CSMD1: variants seen among roughly 807,000 people sequenced by gnomAD.
CSMD1 encodes the protein CUB and sushi domain-containing protein 1.
In CSMD1, 213 loss-of-function variants were observed where a neutral mutation model predicts 417.5. The ratio of observed to expected loss-of-function variants is 0.51; its 90% CI spans 0.46 to 0.57. The LOEUF is 0.57. Among genes scored for constraint, CSMD1 ranks in the 20% least tolerant of loss-of-function variants. CSMD1 has a pLI of 0.00. For synonymous variants in CSMD1, 2,862 were observed against 1,736.8 expected (o/e 1.65, Z -16.11); for missense variants, 6,923 against 4,529.7 (o/e 1.53, Z -15.17).
intron 41 of CSMD1, among the ~76,000 whole-genome samples, chr8:3,122,483 G>C (rs760935749): frequency 1.3e-5 from 2 of 152,172 alleles, no homozygotes; most frequent in East Asian, 1.9e-4. Context: ...GGAATTTGCA[G>C]TTGACGTGGT....
At chr8:4,022,111 G>C (rs993099942) in intron 4 of CSMD1, among the ~76,000 whole-genome samples, 1 of 114,878 alleles carries the variant, frequency 8.7e-6, no homozygotes, top group African/African-American at 3.6e-5. Flanking sequence ...ATATATGAAT[G>C]GATATAGAAT....
chr8:4,051,406 T>C (rs1479135910), intron 3 of CSMD1, among the ~76,000 whole-genome samples: 1 of 151,902 alleles, frequency 6.6e-6, no homozygotes, highest in Non-Finnish European at 1.5e-5. Context: ...AGTAGCATAA[T>C]GTAGTTAAAT....
At chr8:4,098,274 C>G (rs1801128318) in intron 3 of CSMD1, among the ~76,000 whole-genome samples, 1 of 152,062 alleles carries the variant, frequency 6.6e-6, no homozygotes, top group Non-Finnish European at 1.5e-5. Flanking sequence ...GTAATGGCAT[C>G]AGAACAAAAG....
intron 1 of CSMD1, among the ~76,000 whole-genome samples, chr8:4,741,527 A>C (rs1810604207): frequency 6.6e-6 from 1 of 152,332 alleles, no homozygotes. Context: ...AACAAAAATA[A>C]TTGCATGTTT....
intron 1 of CSMD1, among the ~76,000 whole-genome samples, chr8:4,977,461 T>G (rs1237662363): frequency 6.6e-6 from 1 of 152,128 alleles, no homozygotes; most frequent in Admixed American, 6.5e-5. Flanking sequence ...TCATGCACAT[T>G]GGGAAAGAAG....
chr8:4,176,198 C>A (rs1036799991), intron 3 of CSMD1, among the ~76,000 whole-genome samples: 5 of 152,080 alleles, frequency 3.3e-5, no homozygotes, highest in Middle Eastern at 3.4e-3. Context: ...CACATCCACC[C>A]TGTTGGATGT....
In CSMD1 at chr8:3,904,629, C is replaced by G. The variant is rs1398266587; in HGVS notation, c.818+93274G>C. On this transcript the variant is annotated intron_variant, in intron 5 of 69. Coordinates refer to ENST00000635120, the MANE Select transcript of CSMD1 (RefSeq NM_033225.6). ...TTCCTTTTTCTCTTTCTTTCTTTCT[C>G]GTTTTCTTTCTTTTTTTTTTTTTTT... Among the ~76,000 whole-genome samples, 5 of 144,906 alleles carry G rather than the reference C, an allele frequency of 3.5e-5. No homozygotes were observed. The East Asian group carries it at 1.0e-3, about 29-fold the overall frequency.
chr8:4,616,466 G>A (rs1005395036), intron 2 of CSMD1, among the ~76,000 whole-genome samples: 21 of 152,134 alleles, frequency 1.4e-4, no homozygotes, highest in African/African-American at 4.8e-4. Context: ...ACTATTTAAA[G>A]CTGGTTATAA....
intron 3 of CSMD1, among the ~76,000 whole-genome samples, chr8:4,128,659 G>A (rs1314185856): frequency 1.3e-5 from 2 of 152,020 alleles, no homozygotes; most frequent in Non-Finnish European, 2.9e-5. Flanking sequence ...ATGGAAATAT[G>A]TCTTCTTTCT....
In CSMD1 at chr8:3,193,510, C is replaced by T. The variant is rs139747148; in HGVS notation, c.5195-3395G>A. ...ACAGTGCTGTGTAACTTCATCCTCC[C>T]CGCCCGTCCTCTGGGTCTGGCCCTT... On this transcript the variant is annotated intron_variant, in intron 33 of 69. Transcript: ENST00000635120. Among the ~76,000 whole-genome samples the T allele has an allele frequency of 2.3e-3, 354 of 152,124 alleles. 4 individuals are homozygous for T. Among genetic ancestry groups the T allele is most frequent in the African/African-American group, 8.3e-3 (345 of 41,492 alleles).
chr8:3,491,732 G>T (rs1166843172), intron 11 of CSMD1, among the ~76,000 whole-genome samples: 1 of 152,196 alleles, frequency 6.6e-6, no homozygotes, highest in Non-Finnish European at 1.5e-5. Flanking sequence ...TAAATAAGGG[G>T]ATAAGGTGAG....
chr8:3,423,245 G>C (rs1001611823), intron 12 of CSMD1, among the ~76,000 whole-genome samples: 1 of 152,048 alleles, frequency 6.6e-6, no homozygotes, highest in African/African-American at 2.4e-5. Flanking sequence ...TTGACTAAAG[G>C]TTATAGTCAT....
intron 2 of CSMD1, among the ~76,000 whole-genome samples, chr8:4,435,674 C>T (rs952334242): frequency 3.3e-5 from 5 of 152,132 alleles, no homozygotes; most frequent in East Asian, 1.9e-4. Flanking sequence ...TGAGGTCACC[C>T]GAGTTGTTAC....
chr8:4,684,197 A>G (rs1273705486), intron 1 of CSMD1, among the ~76,000 whole-genome samples: 1 of 152,238 alleles, frequency 6.6e-6, no homozygotes, highest in Non-Finnish European at 1.5e-5. Context: ...ATTTATGAAT[A>G]AGGACACGAG....
intron 16 of CSMD1, among the ~76,000 whole-genome samples, chr8:3,397,047 A>G (rs270055): frequency 0.94 from 142,809 of 152,090 alleles, 67,071 homozygotes; most frequent in South Asian, 0.98. Flanking sequence ...CCGAGAATCT[A>G]GCCTGAGATT....
intron 2 of CSMD1, among the ~76,000 whole-genome samples, chr8:4,505,371 T>G (rs1802465322): frequency 6.6e-6 from 1 of 152,208 alleles, no homozygotes; most frequent in Non-Finnish European, 1.5e-5. Flanking sequence ...AACCTAATTC[T>G]GTAAATAAAT....
At chr8:3,292,801 T>C (rs796880997) in intron 25 of CSMD1, among the ~76,000 whole-genome samples, 7 of 152,294 alleles carry the variant, frequency 4.6e-5, no homozygotes, top group African/African-American at 1.7e-4. Flanking sequence ...CTCTGTCTTT[T>C]AATTGGAGCA....
chr8:3,749,217 C>G (rs962651476), intron 6 of CSMD1, among the ~76,000 whole-genome samples: 2 of 152,078 alleles, frequency 1.3e-5, no homozygotes, highest in African/African-American at 4.8e-5. Context: ...AAAGAATGGG[C>G]TCAATTTTCA....
In CSMD1 at chr8:3,214,507, G is replaced by C. The variant is rs1281531943; in HGVS notation, c.4857C>G (p.Pro1619=). 1 of 1,595,398 alleles carries C rather than the reference G, an allele frequency of 6.3e-7. No homozygotes were observed. Among genetic ancestry groups the C allele is most frequent in the South Asian group, 1.1e-5 (1 of 87,274 alleles). The change falls in exon 30 of 70, where the codon CCC becomes CCG. Residue 1619 remains proline (P), a synonymous_variant. Transcript: ENST00000635120. ...CAAGCGTGCACTCACCATTGCAGGA[G>C]GGCAGCACTTGGTCCCAGGAGGGTT... ...DGKPSWDQVL[P]SCNAPCGGQY...
Sources: gnomAD v4.1 joint callset for allele counts (sites outside exome capture counted in the v4.1 genomes callset) on GRCh38, gnomAD v4.1.1 for gene constraint, MANE v1.5 for transcripts, NCBI Gene and HGNC (gene_info 2026-07-23, HGNC 2026-07-21) for gene names.